MACROD2: variants seen among roughly 807,000 people sequenced by gnomAD.
MACROD2 encodes the protein ADP-ribose glycohydrolase MACROD2.
A neutral mutation model predicts 70.4 loss-of-function variants in MACROD2; 36 were observed. The ratio of observed to expected loss-of-function variants is 0.51; its 90% CI spans 0.39 to 0.68. The LOEUF (loss-of-function observed/expected upper bound fraction) is 0.68, where lower values mean the gene tolerates loss of function less well. Among genes scored for constraint, MACROD2 ranks in the 30% least tolerant of loss-of-function variants. MACROD2 has a pLI of 0.00. For synonymous variants in MACROD2, 172 were observed against 178.8 expected (o/e 0.96, Z 0.30); for missense variants, 496 against 538.4 (o/e 0.92, Z 0.78).
chr20:15,014,408 T>A (rs1410655644), intron 5 of MACROD2, among the ~76,000 whole-genome samples: 4 of 152,220 alleles, frequency 2.6e-5, no homozygotes, highest in Non-Finnish European at 5.9e-5. Flanking sequence ...AATATTTTTT[T>A]ATAGTCTAAA....
At chr20:15,136,462 A>C (rs1366798047) in intron 5 of MACROD2, among the ~76,000 whole-genome samples, 1 of 152,202 alleles carries the variant, frequency 6.6e-6, no homozygotes, top group African/African-American at 2.4e-5. Flanking sequence ...GCAATGGGGA[A>C]AGGATTCCCT....
At chr20:14,845,492 T>C (rs1175332745) in intron 5 of MACROD2, among the ~76,000 whole-genome samples, 8 of 152,006 alleles carry the variant, frequency 5.3e-5, no homozygotes, top group Non-Finnish European at 1.0e-4. Context: ...AGATATTTAA[T>C]AATTAAAAAA....
intron 10 of MACROD2, among the ~76,000 whole-genome samples, chr20:15,920,420 CTATATTAAAA>C (rs2065386307): frequency 1.3e-5 from 2 of 152,114 alleles, no homozygotes; most frequent in South Asian, 2.1e-4. Flanking sequence ...AGTAGCATAA[CTATATTAAAA>C]TTGACTGTTA....
chr20:14,585,621 T>C (rs997360702), intron 4 of MACROD2, among the ~76,000 whole-genome samples: 1 of 152,148 alleles, frequency 6.6e-6, no homozygotes, highest in African/African-American at 2.4e-5. Context: ...AGGTAACTAC[T>C]GCCAATAATC....
At position 15,843,652 on chromosome 20, in the gene MACROD2, T is replaced by A. The variant is rs1258324331; in HGVS notation, c.646-19093T>A. 3.9e-5 allele frequency among the ~76,000 whole-genome samples: 6 copies of A among 152,174 alleles called. No homozygotes were observed. The South Asian group carries it at 1.2e-3, about 31-fold the overall frequency. ...CAAATGTAAAAGTCATGGTAGAATT[T>A]TTTTTGGCATATGTGTAGAATTTCT... On this transcript the variant is annotated intron_variant, in intron 8 of 17. Coordinates refer to ENST00000684519, the MANE Select transcript of MACROD2 (RefSeq NM_001351661.2).
chr20:14,267,141 G>C (rs2082150949), intron 3 of MACROD2, among the ~76,000 whole-genome samples: 1 of 152,110 alleles, frequency 6.6e-6, no homozygotes, highest in South Asian at 2.1e-4. Flanking sequence ...AGTTATGTTA[G>C]TGGCCCTATA....
intron 8 of MACROD2, among the ~76,000 whole-genome samples, chr20:15,616,677 T>C (rs1392426831): frequency 1.3e-5 from 2 of 152,178 alleles, no homozygotes; most frequent in East Asian, 1.9e-4. Context: ...CCATCTCAAA[T>C]TGGATTTCCT....
intron 8 of MACROD2, among the ~76,000 whole-genome samples, chr20:15,689,002 T>C (rs561805695): frequency 3.3e-5 from 5 of 152,318 alleles, no homozygotes; most frequent in Non-Finnish European, 5.9e-5. Context: ...TAGGAGGACA[T>C]TGTTCAAAAA....
chr20:15,983,009 A>G (rs746962798), intron 13 of MACROD2, among the ~76,000 whole-genome samples: 101 of 152,196 alleles, frequency 6.6e-4, no homozygotes, highest in Admixed American at 5.1e-3. Flanking sequence ...TCTCTTTCTG[A>G]CATATAGAGT....
intron 3 of MACROD2, among the ~76,000 whole-genome samples, chr20:14,309,904 T>C (rs192803629): frequency 7.5e-4 from 115 of 152,320 alleles, no homozygotes; most frequent in Non-Finnish European, 4.9e-4. Flanking sequence ...ATTTTTATGT[T>C]ATTGTGCTAG....
chr20:14,953,737 A>G (rs1159649562), intron 5 of MACROD2, among the ~76,000 whole-genome samples: 2 of 152,242 alleles, frequency 1.3e-5, no homozygotes, highest in Non-Finnish European at 2.9e-5. Flanking sequence ...TTCTGAGGCC[A>G]ACATCCCCTT....
At chr20:15,109,883 G>T (rs978629045) in intron 5 of MACROD2, among the ~76,000 whole-genome samples, 4 of 151,906 alleles carry the variant, frequency 2.6e-5, no homozygotes, top group East Asian at 1.9e-4. Flanking sequence ...AAGGCGAAAA[G>T]CCTTCTCGTT....
intron 3 of MACROD2, among the ~76,000 whole-genome samples, chr20:14,429,841 G>A (rs2083975991): frequency 6.6e-6 from 1 of 152,168 alleles, no homozygotes; most frequent in African/African-American, 2.4e-5. Context: ...TCCTTCAGGA[G>A]AACCATTTGG....
At chr20:15,285,379 C>T (rs1395194715) in intron 6 of MACROD2, among the ~76,000 whole-genome samples, 1 of 152,192 alleles carries the variant, frequency 6.6e-6, no homozygotes, top group Non-Finnish European at 1.5e-5. Flanking sequence ...TCTACTTCCA[C>T]ATTTCCTTAG....
At chr20:15,701,831 G>A (rs2050464051) in intron 8 of MACROD2, among the ~76,000 whole-genome samples, 1 of 152,126 alleles carries the variant, frequency 6.6e-6, no homozygotes, top group African/African-American at 2.4e-5. Context: ...TCCCCAACCA[G>A]TAGTCCCTAG....
At chr20:15,724,992 G>A in intron 8 of MACROD2, among the ~76,000 whole-genome samples, 1 of 152,164 alleles carries the variant, frequency 6.6e-6, no homozygotes, top group East Asian at 1.9e-4. Context: ...TGAGGCAGAA[G>A]AATGACGTGA....
intron 8 of MACROD2, among the ~76,000 whole-genome samples, chr20:15,620,443 C>T (rs2049109237): frequency 6.6e-6 from 1 of 152,142 alleles, no homozygotes; most frequent in South Asian, 2.1e-4. Context: ...TGTTAGTTAA[C>T]CTCTCTTGCC....
intron 4 of MACROD2, among the ~76,000 whole-genome samples, chr20:14,563,930 A>T (rs569811703): frequency 6.6e-6 from 1 of 152,068 alleles, no homozygotes; most frequent in Admixed American, 6.6e-5. Flanking sequence ...GTGGTGTTAC[A>T]TTACTTGACT....
chr20:14,445,725 C>A (rs2084175242), intron 3 of MACROD2, among the ~76,000 whole-genome samples: 1 of 152,112 alleles, frequency 6.6e-6, no homozygotes, highest in Non-Finnish European at 1.5e-5. Flanking sequence ...TTTTAAAAAT[C>A]ATCGCAAGGA....
Sources: allele counts gnomAD v4.1 joint callset (sites outside exome capture counted in the v4.1 genomes callset), GRCh38; gene constraint gnomAD v4.1.1; transcripts MANE v1.5; gene names NCBI Gene and HGNC (gene_info 2026-07-23, HGNC 2026-07-21).